Variants in MXRA7 observed in about 807,000 individuals in gnomAD.
MXRA7 encodes matrix remodeling associated 7.
MXRA7 carries 18 observed loss-of-function variants against 17.4 expected under a neutral mutation model. That is an observed-to-expected ratio of 1.03 (90% CI 0.71 to 1.53). MXRA7 has a LOEUF of 1.53. Among genes scored for constraint, MXRA7 ranks in the 40% most tolerant of loss-of-function variants. The pLI is 0.00. For missense variants in MXRA7, 141 were observed against 209.3 expected (o/e 0.67, Z 2.01); for synonymous variants, 70 against 101.7 (o/e 0.69, Z 1.87).
intron 3 of MXRA7, among the ~76,000 whole-genome samples, chr17:76,684,824 A>G (rs1460279917): frequency 6.6e-6 from 1 of 151,894 alleles, no homozygotes; most frequent in East Asian, 1.9e-4. Flanking sequence ...TGGGCTCTGT[A>G]TCCCCCATCA....
At chr17:76,706,878 T>C (rs2076667949) in intron 1 of MXRA7, among the ~76,000 whole-genome samples, 1 of 152,228 alleles carries the variant, frequency 6.6e-6, no homozygotes, top group Non-Finnish European at 1.5e-5. Flanking sequence ...ACCCTTCACC[T>C]AGATTCACCA....
chr17:76,675,542 G>A (rs1395240248), downstream of MXRA7: 1 of 152,016 alleles, frequency 6.6e-6, no homozygotes. Context: ...TTACAGGCGT[G>A]CGCTACCACG....
chr17:76,706,111 CAAAGGCCCACGCTGCCAT>C (rs2076652348), intron 1 of MXRA7, among the ~76,000 whole-genome samples: 1 of 151,260 alleles, frequency 6.6e-6, no homozygotes, highest in African/African-American at 2.4e-5. Context: ...GCTGCCATCA[CAAAGGCCCACGCTGCCAT>C]CACAAAGGAC....
chr17:76,690,693 T>C (rs1235920585), intron 1 of MXRA7, among the ~76,000 whole-genome samples: 1 of 152,122 alleles, frequency 6.6e-6, no homozygotes, highest in African/African-American at 2.4e-5. Context: ...CGGCCCCCAG[T>C]TCTTGACACA....
At chr17:76,678,819 C>T (rs1277141172), downstream of MXRA7, among the ~76,000 whole-genome samples, 1 of 152,188 alleles carries the variant, frequency 6.6e-6, no homozygotes, top group Non-Finnish European at 1.5e-5. Context: ...TCACCCTTCC[C>T]TCCTCTCCTC....
chr17:76,695,900 T>G lies in MXRA7; in HGVS notation c.343-7724A>C, dbSNP rs550051973. Among the ~76,000 whole-genome samples, 467 of 151,998 alleles carry G rather than the reference T, an allele frequency of 3.1e-3. 2 individuals carry two copies. The highest frequency in any genetic ancestry group is 0.011 in the African/African-American group (453 of 41,478). Reference sequence around the variant, plus strand: ...TTGAGGCCAGGAGTTCAAGACCAGCTTGGCCAACACGGTGAGACCCCCTCT... The same window carrying G: ...TTGAGGCCAGGAGTTCAAGACCAGCGTGGCCAACACGGTGAGACCCCCTCT... On this transcript the variant is annotated intron_variant, in intron 1 of 3. Coordinates refer to ENST00000449428, the MANE Select transcript of MXRA7 (RefSeq NM_198530.4).
At chr17:76,708,953 AC>A (rs946276536) in intron 1 of MXRA7, among the ~76,000 whole-genome samples, 1 of 152,130 alleles carries the variant, frequency 6.6e-6, no homozygotes, top group Non-Finnish European at 1.5e-5. Flanking sequence ...CCTTCAGAGC[AC>A]CCATTCAGCT....
intron 1 of MXRA7, among the ~76,000 whole-genome samples, chr17:76,695,014 G>C (rs1284704121): frequency 6.6e-6 from 1 of 152,042 alleles, no homozygotes; most frequent in Non-Finnish European, 1.5e-5. Context: ...AAAAAAATTA[G>C]CTGGGCATGG....
chr17:76,685,180 C>A lies in MXRA7; in HGVS notation c.407-15G>T. 6.2e-7 allele frequency: 1 copy of A among 1,604,764 alleles called. No homozygotes were observed. The highest frequency in any genetic ancestry group is 8.5e-7 in the Non-Finnish European group (1 of 1,171,608). ...GAAGCCTTCTCCTGTGGAGGGGGGA[C>A]CCAGTAAGTGCCAGGAGTGCTGTAG... On this transcript the variant is annotated splice_polypyrimidine_tract_variant and intron_variant, in intron 2 of 3. Transcript: ENST00000449428.
chr17:76,684,003 C>T (rs1317130801), intron 3 of MXRA7: 6 of 1,135,546 alleles, frequency 5.3e-6, no homozygotes, highest in Non-Finnish European at 8.1e-6. Context: ...GGGCTCCTGC[C>T]AGGGCTCTTC....
Position 76,681,017 on chromosome 17 carries a change from A to C in MXRA7, c.501-138T>G. The C allele has an allele frequency of 1.9e-5, 14 of 738,854 alleles. No individual in the cohort carries two copies. The highest frequency in any genetic ancestry group is 3.2e-5 in the Non-Finnish European group (14 of 436,308). The allele number at this position is 738,854 out of a possible 1,614,324, so 45.8% of individuals were successfully genotyped here. On this transcript the variant is annotated intron_variant, in intron 3 of 3. Coordinates refer to ENST00000449428, the MANE Select transcript of MXRA7 (RefSeq NM_198530.4). This position sits in a 1 kb window ranked among gnomAD's most constrained non-coding sequence, Gnocchi z 4.7. ...AAGCTGCGCTAGACTCTGGTTTCTCAAACCACTGCTGATTTGCTTCTCATC... is the reference window on the plus strand; with the variant it reads ...AAGCTGCGCTAGACTCTGGTTTCTCCAACCACTGCTGATTTGCTTCTCATC...
chr17:76,687,127 C>T (rs972367313), intron 2 of MXRA7, among the ~76,000 whole-genome samples: 7 of 152,192 alleles, frequency 4.6e-5, no homozygotes, highest in African/African-American at 7.2e-5. Flanking sequence ...GCCATGGCTG[C>T]GGTGAGTCCC....
intron 1 of MXRA7, among the ~76,000 whole-genome samples, chr17:76,693,297 G>A (rs369241338): frequency 9.2e-5 from 14 of 151,426 alleles, no homozygotes; most frequent in African/African-American, 3.4e-4. Context: ...GGGAAATCCC[G>A]TCTCTACTAA....
At chr17:76,674,876 G>C (rs773124376), downstream of MXRA7, 4 of 152,258 alleles carry the variant, frequency 2.6e-5, no homozygotes, top group African/African-American at 7.2e-5. Flanking sequence ...AGCAAGACAT[G>C]CCCTTTTCTT....
intron 1 of MXRA7, among the ~76,000 whole-genome samples, chr17:76,694,482 G>A (rs575777141): frequency 2.0e-4 from 30 of 152,030 alleles, no homozygotes; most frequent in Non-Finnish European, 3.4e-4. Context: ...GGCATCCCAG[G>A]GCCTCACACC....
chr17:76,710,568 G>C, intron 1 of MXRA7, 37 bp downstream of exon 1: 1 of 1,257,858 alleles, frequency 8.0e-7, no homozygotes, highest in Non-Finnish European at 1.0e-6. Flanking sequence ...CGGAGCCCCG[G>C]GGGTGGGGAG....
Position 76,688,184 on chromosome 17 carries a change from A to C in MXRA7, c.343-8T>G. The C allele has an allele frequency of 1.2e-6, 2 of 1,614,112 alleles. No individual in the cohort carries two copies. Among genetic ancestry groups the C allele is most frequent in the Non-Finnish European group, 1.7e-6 (2 of 1,179,970 alleles). On this transcript the variant is annotated splice_region_variant and splice_polypyrimidine_tract_variant and intron_variant, in intron 1 of 3. Transcript: ENST00000449428. ...CAAGTCCTGCTCCTCTTCCTGCAAGACAAGGACAGGGTCAGTGCCCTTGGC... is the reference window on the plus strand; with the variant it reads ...CAAGTCCTGCTCCTCTTCCTGCAAGCCAAGGACAGGGTCAGTGCCCTTGGC...
intron 1 of MXRA7, among the ~76,000 whole-genome samples, chr17:76,694,645 A>C (rs2076513465): frequency 6.6e-6 from 1 of 152,114 alleles, no homozygotes; most frequent in Admixed American, 6.5e-5. Context: ...TGGTAGAGTG[A>C]TGCGATCTCG....
intron 1 of MXRA7, among the ~76,000 whole-genome samples, chr17:76,708,157 C>T (rs897722803): frequency 1.4e-4 from 22 of 152,314 alleles, no homozygotes; most frequent in Admixed American, 1.4e-3. Context: ...TGAGCGATCC[C>T]CAATAGCAGC....
Sources: gnomAD v4.1 joint callset for allele counts (sites outside exome capture counted in the v4.1 genomes callset) on GRCh38, gnomAD v4.1.1 for gene constraint, Gnocchi (gnomAD v3.1) non-coding constraint, MANE v1.5 for transcripts, NCBI Gene and HGNC (gene_info 2026-07-23, HGNC 2026-07-21) for gene names.